The following VAV3 variants were observed in gnomAD, a reference collection of about 807,000 sequenced individuals.
VAV3 encodes guanine nucleotide exchange factor VAV3.
VAV3 carries 94 observed loss-of-function variants against 131.2 expected under a neutral mutation model. The ratio of observed to expected loss-of-function variants is 0.72; its 90% confidence interval spans 0.61 to 0.85. The LOEUF (loss-of-function observed/expected upper bound fraction) is 0.85, where lower values mean the gene tolerates loss of function less well. Ranked by LOEUF, VAV3 falls within the 40% of genes least tolerant of loss-of-function variation. The probability of loss-of-function intolerance (pLI) is 0.00; values close to 1 mark genes in which losing one functional copy is unlikely to be tolerated. For synonymous variants in VAV3, 349 were observed against 342.0 expected (o/e 1.02, Z -0.22); for missense variants, 939 against 1,002.7 (o/e 0.94, Z 0.86).
At chr1:107,911,767 G>A (rs1281688022) in intron 1 of VAV3, among the ~76,000 whole-genome samples, 1 of 152,190 alleles carries the variant, frequency 6.6e-6, no homozygotes, top group African/African-American at 2.4e-5. Flanking sequence ...ATAACATCAA[G>A]GGGAATGTAA....
chr1:107,611,103 G>A (rs1158683933), intron 21 of VAV3, among the ~76,000 whole-genome samples: 3 of 152,102 alleles, frequency 2.0e-5, no homozygotes, highest in Non-Finnish European at 4.4e-5. Context: ...AAAAAAATTA[G>A]AATATTTGAA....
chr1:107,847,921 G>A (rs1669043482), intron 2 of VAV3, among the ~76,000 whole-genome samples: 1 of 151,988 alleles, frequency 6.6e-6, no homozygotes, highest in Non-Finnish European at 1.5e-5. Context: ...TCATTTTGAG[G>A]CCAGTCCTGA....
chr1:107,702,350 G>C, intron 17 of VAV3, among the ~76,000 whole-genome samples: 1 of 152,246 alleles, frequency 6.6e-6, no homozygotes, highest in African/African-American at 2.4e-5. Context: ...CCCTTGACAC[G>C]TGGGGATTAC....
intron 15 of VAV3, among the ~76,000 whole-genome samples, chr1:107,721,589 G>A (rs12059570): frequency 0.32 from 49,230 of 151,904 alleles, 8,653 homozygotes; most frequent in Non-Finnish European, 0.39. Context: ...CATGATGAGA[G>A]CTGTGCTTTC....
chr1:107,823,624 G>C (rs940766787), intron 2 of VAV3, among the ~76,000 whole-genome samples: 7 of 152,204 alleles, frequency 4.6e-5, no homozygotes, highest in Non-Finnish European at 8.8e-5. Flanking sequence ...AAAGTCACGA[G>C]ACTGTCTGTT....
At chr1:107,800,274 G>GT (rs35621139) in intron 2 of VAV3, among the ~76,000 whole-genome samples, 15,360 of 152,060 alleles carry the variant, frequency 0.1, 900 homozygotes, top group Non-Finnish European at 0.13. Context: ...TCTCCAAACA[G>GT]TTTTCTATAT....
chr1:107,894,504 C>A (rs2101069161), intron 1 of VAV3, among the ~76,000 whole-genome samples: 1 of 152,070 alleles, frequency 6.6e-6, no homozygotes, highest in Non-Finnish European at 1.5e-5. Flanking sequence ...TCTCATTAGA[C>A]AAGAAATTTC....
At chr1:107,601,972 T>A (rs1242751527) in intron 24 of VAV3, among the ~76,000 whole-genome samples, 1 of 152,148 alleles carries the variant, frequency 6.6e-6, no homozygotes, top group Non-Finnish European at 1.5e-5. Context: ...TACAAAAATC[T>A]TTTCAATTTG....
intron 19 of VAV3, among the ~76,000 whole-genome samples, chr1:107,649,558 T>A (rs1656002411): frequency 6.6e-6 from 1 of 152,036 alleles, no homozygotes; most frequent in Admixed American, 6.6e-5. Context: ...ATGATCCCCT[T>A]GGCTTTTTTT....
intron 19 of VAV3, among the ~76,000 whole-genome samples, chr1:107,675,190 C>T (rs1305734493): frequency 6.6e-6 from 1 of 152,204 alleles, no homozygotes; most frequent in East Asian, 1.9e-4. Flanking sequence ...CTGCTAAATT[C>T]ATGGTAAATT....
chr1:107,689,607 G>A (rs1437513895), intron 17 of VAV3, among the ~76,000 whole-genome samples: 1 of 151,716 alleles, frequency 6.6e-6, no homozygotes, highest in East Asian at 1.9e-4. Context: ...GAAAAGCTAA[G>A]TCCTCATCCC....
At chr1:107,949,756 C>T (rs1462337919) in intron 1 of VAV3, among the ~76,000 whole-genome samples, 1 of 152,156 alleles carries the variant, frequency 6.6e-6, no homozygotes, top group African/African-American at 2.4e-5. Flanking sequence ...TTCTATTTGT[C>T]ATAATAATCT....
chr1:107,650,802 C>T (rs1291524661), intron 19 of VAV3, among the ~76,000 whole-genome samples: 1 of 147,088 alleles, frequency 6.8e-6, no homozygotes, highest in Non-Finnish European at 1.5e-5. Flanking sequence ...TGAGTGAGAA[C>T]ATGCGGTGTT....
At chr1:107,780,240 G>A (rs1449775708) in intron 2 of VAV3, among the ~76,000 whole-genome samples, 1 of 152,150 alleles carries the variant, frequency 6.6e-6, no homozygotes, top group African/African-American at 2.4e-5. Context: ...AAGCTAGCAC[G>A]TAAACTATTT....
chr1:107,573,206 G>T lies in VAV3; in HGVS notation c.*125C>A, dbSNP rs1459449943. 9.9e-7 allele frequency: 1 copy of T among 1,006,366 alleles called. No homozygotes were observed. The highest frequency in any genetic ancestry group is 2.5e-5 in the East Asian group (1 of 39,542). 62.3% of individuals were successfully genotyped at this position (1,006,366 alleles called of 1,614,324 possible). ...ATTAAGACTTAGGAGGGGCTAAGGAGGGAGGATGTTGAACAGCCAGAAATG... is the reference window on the plus strand; with the variant it reads ...ATTAAGACTTAGGAGGGGCTAAGGATGGAGGATGTTGAACAGCCAGAAATG... On this transcript the variant is annotated 3_prime_UTR_variant, in exon 27 of 27. Coordinates refer to ENST00000370056, the MANE Select transcript of VAV3 (RefSeq NM_006113.5).
intron 20 of VAV3, among the ~76,000 whole-genome samples, chr1:107,638,850 A>G (rs1483568495): frequency 1.3e-5 from 2 of 152,180 alleles, no homozygotes; most frequent in East Asian, 1.9e-4. Flanking sequence ...ATGTAACAAA[A>G]TAACAGTCCA....
chr1:107,831,861 T>C (rs762744094), intron 2 of VAV3, among the ~76,000 whole-genome samples: 2 of 152,204 alleles, frequency 1.3e-5, no homozygotes, highest in Non-Finnish European at 2.9e-5. Context: ...CACAATTCAG[T>C]AGAAAGGTTC....
chr1:107,815,445 C>G (rs1024530240), intron 2 of VAV3, among the ~76,000 whole-genome samples: 2 of 152,180 alleles, frequency 1.3e-5, no homozygotes, highest in African/African-American at 4.8e-5. Flanking sequence ...CTGGCCAACT[C>G]TCATCACCAA....
intron 1 of VAV3, among the ~76,000 whole-genome samples, chr1:107,961,160 G>A (rs1288135440): frequency 2.6e-5 from 4 of 152,094 alleles, no homozygotes; most frequent in Non-Finnish European, 5.9e-5. Flanking sequence ...TACATACACT[G>A]TCCATAGTGG....
Sources: allele counts gnomAD v4.1 joint callset (sites outside exome capture counted in the v4.1 genomes callset), GRCh38; gene constraint gnomAD v4.1.1; transcripts MANE v1.5; gene names NCBI Gene and HGNC (gene_info 2026-07-23, HGNC 2026-07-21).